GATA4: variants seen among roughly 807,000 people sequenced by gnomAD.
GATA4 encodes transcription factor GATA-4.
Under a neutral mutation model 37.9 loss-of-function variants are expected in GATA4, and 7 were observed. The ratio of observed to expected loss-of-function variants is 0.18; its 90% CI spans 0.11 to 0.35. The LOEUF is 0.35. GATA4 is among the 10% of genes least tolerant of loss of function. GATA4 has a pLI of 1.00. For synonymous variants in GATA4, 372 were observed against 292.6 expected, an observed-to-expected ratio of 1.27 and a Z score of -2.77; for missense variants, 647 against 653.0, an observed-to-expected ratio of 0.99 and a Z score of 0.10.
chr8:11,730,013 C>G (rs1280176823), intron 2 of GATA4, among the ~76,000 whole-genome samples: 4 of 152,062 alleles, frequency 2.6e-5, no homozygotes, highest in Non-Finnish European at 5.9e-5. Context: ...GCAGTCTTTA[C>G]CTCCAGGGTT....
intron 1 of GATA4, among the ~76,000 whole-genome samples, chr8:11,698,894 T>C (rs768496692): frequency 3.3e-5 from 5 of 152,128 alleles, no homozygotes; most frequent in Non-Finnish European, 5.9e-5. Flanking sequence ...CCAGGGAGAT[T>C]TGTGCCACCC....
At chr8:11,744,377 C>T (rs919525521) in intron 2 of GATA4, among the ~76,000 whole-genome samples, 6 of 152,214 alleles carry the variant, frequency 3.9e-5, no homozygotes, top group Admixed American at 3.9e-4. Flanking sequence ...GTCTTTCCTC[C>T]AAACGTGGGT....
rs1285217052 is a variant in GATA4, at chr8:11,759,104, C to G, written c.*629C>G. ...CAGCTGGCAACTTCTCCCCCAGGTG[C>G]CTTCCCCCTGCTGCCGGCCTTTGCT... On this transcript the variant is annotated 3_prime_UTR_variant, in exon 7 of 7. Transcript: ENST00000532059. 1 of 159,628 alleles carries G rather than the reference C, an allele frequency of 6.3e-6. No homozygotes were observed. The highest frequency in any genetic ancestry group is 1.4e-5 in the Non-Finnish European group (1 of 72,458). The allele number at this position is 159,628 out of a possible 1,614,324, so 9.9% of individuals were successfully genotyped here. A position where few individuals can be genotyped will look rare whatever the true frequency, so the allele number is the denominator to read the frequency against.
Position 11,759,823 on chromosome 8 carries a change from A to G in GATA4, c.*1348A>G, listed in dbSNP as rs776232638. Reference sequence around the variant, plus strand: ...CCCAGACCCCTCACTCCAAAATCCTACTGGCTGTAGCAGAGAATACCTTTG... The same window carrying G: ...CCCAGACCCCTCACTCCAAAATCCTGCTGGCTGTAGCAGAGAATACCTTTG... On this transcript the variant is annotated 3_prime_UTR_variant, in exon 7 of 7. Transcript: ENST00000532059. 10 of 152,476 alleles carry G rather than the reference A, an allele frequency of 6.6e-5. No individual in the cohort carries two copies. Among genetic ancestry groups the G allele is most frequent in the Non-Finnish European group, 1.5e-4 (10 of 68,014 alleles). 9.4% of individuals were successfully genotyped at this position (152,476 alleles called of 1,614,324 possible).
At chr8:11,754,750 G>C (rs1802468154) in intron 4 of GATA4, among the ~76,000 whole-genome samples, 1 of 152,140 alleles carries the variant, frequency 6.6e-6, no homozygotes, top group Non-Finnish European at 1.5e-5. Context: ...ACCAGAGTCT[G>C]GTTATTTCTC....
In GATA4 at chr8:11,750,008, C is replaced by G. The variant is rs534721036; in HGVS notation, c.787-103C>G. 8 of 1,545,674 alleles carry G rather than the reference C, an allele frequency of 5.2e-6. No homozygotes were observed. In the African/African-American group the frequency reaches 8.1e-5, roughly 16 times the overall value. ...TCATGCAGGGTCGTTAGGGCCCAGC[C>G]CTGCCTCCCGTTAGGGAGGCCCAGC... On this transcript the variant is annotated intron_variant, in intron 3 of 6. Transcript: ENST00000532059.
In GATA4 at chr8:11,758,879, C is replaced by G. The variant is rs1802743187; in HGVS notation, c.*404C>G. 2 of 327,146 alleles carry G rather than the reference C, an allele frequency of 6.1e-6. No homozygotes were observed. Among genetic ancestry groups the G allele is most frequent in the East Asian group, 7.8e-5 (1 of 12,750 alleles). 20.3% of individuals were successfully genotyped at this position (327,146 alleles called of 1,614,324 possible). On this transcript the variant is annotated 3_prime_UTR_variant, in exon 7 of 7. Transcript: ENST00000532059. ...CCTGCTCCAGCCCGAATGACGGCAT[C>G]TGTTTGCCATGTACCTGGATGCGAC...
intron 1 of GATA4, among the ~76,000 whole-genome samples, chr8:11,680,104 A>T (rs11780085): frequency 0.01 from 1,554 of 152,214 alleles, 7 homozygotes; most frequent in Non-Finnish European, 0.017. Flanking sequence ...CCCAAGAGAG[A>T]TTCCCACCCA....
At chr8:11,692,525 G>C, upstream of GATA4, 1 of 985,458 alleles carries the variant, frequency 1.0e-6, no homozygotes, top group Non-Finnish European at 1.2e-6. Flanking sequence ...GTGAAACTAT[G>C]CTCATGCGGA....
chr8:11,745,991 A>G (rs887023395), intron 2 of GATA4, among the ~76,000 whole-genome samples: 1 of 152,188 alleles, frequency 6.6e-6, no homozygotes, highest in Non-Finnish European at 1.5e-5. Flanking sequence ...ATAATAAAGA[A>G]AAATAGGGCT....
intron 1 of GATA4, chr8:11,680,550 G>C: frequency 2.0e-6 from 2 of 985,462 alleles, no homozygotes; most frequent in Non-Finnish European, 2.4e-6. Flanking sequence ...CGTCCTTCGT[G>C]GTCGCACGCT....
At position 11,758,433 on chromosome 8, in the gene GATA4, C is replaced by G. The variant is rs1062216; in HGVS notation, c.1290C>G (p.Ser430Arg). The G allele has an allele frequency of 6.2e-7, 1 of 1,614,222 alleles. No individual in the cohort carries two copies. The highest frequency in any genetic ancestry group is 1.1e-5 in the South Asian group (1 of 91,084). The change falls in exon 7 of 7, where the codon AGC becomes AGG. Residue 430 changes from serine to arginine, a missense_variant. Coordinates refer to ENST00000532059, the MANE Select transcript of GATA4 (RefSeq NM_001308093.3). Reference protein sequence around the residue: ...QTSSKQDSWNSLVLADSHGDI... With the variant: ...QTSSKQDSWNRLVLADSHGDI... The stretch of plus-strand genomic sequence containing the variant: ...GCTCCAAGCAGGACTCTTGGAACAG[C>G]CTGGTCTTGGCCGACAGTCACGGGG...
At chr8:11,754,179 A>C (rs1423487285) in intron 4 of GATA4, among the ~76,000 whole-genome samples, 1 of 152,178 alleles carries the variant, frequency 6.6e-6, no homozygotes, top group Non-Finnish European at 1.5e-5. Context: ...GTTGCTGTTG[A>C]GGCCAATTTT....
intron 2 of GATA4, among the ~76,000 whole-genome samples, chr8:11,725,456 A>G (rs979536149): frequency 1.3e-5 from 2 of 152,260 alleles, no homozygotes; most frequent in African/African-American, 4.8e-5. Context: ...CTCCGGGCAC[A>G]CGCTGGGAAG....
chr8:11,739,286 G>A (rs138118444), intron 2 of GATA4, among the ~76,000 whole-genome samples: 167 of 152,306 alleles, frequency 1.1e-3, no homozygotes, highest in African/African-American at 3.9e-3. Context: ...TTTCCGTATG[G>A]CTTTGGTGAA....
chr8:11,680,742 G>T (rs954305848), intron 1 of GATA4: 4 of 985,248 alleles, frequency 4.1e-6, no homozygotes, highest in African/African-American at 1.7e-5. Flanking sequence ...GCGGCGAGGA[G>T]AGCCCGGCTT....
intron 2 of GATA4, among the ~76,000 whole-genome samples, chr8:11,712,329 C>T (rs975070667): frequency 1.3e-5 from 2 of 152,106 alleles, no homozygotes; most frequent in African/African-American, 2.4e-5. Context: ...GTGCATTACC[C>T]ATCGTTGTGG....
upstream of GATA4, among the ~76,000 whole-genome samples, chr8:11,689,350 G>C (rs1194272086): frequency 6.6e-6 from 1 of 152,170 alleles, no homozygotes; most frequent in Admixed American, 6.5e-5. Context: ...CATAATTTAT[G>C]CAAAATTATA....
chr8:11,737,714 C>T (rs1309153660), intron 2 of GATA4, among the ~76,000 whole-genome samples: 1 of 152,132 alleles, frequency 6.6e-6, no homozygotes, highest in Non-Finnish European at 1.5e-5. Context: ...AAATGGGTTC[C>T]ATTTTCCCAT....
Sources: gnomAD v4.1 joint callset for allele counts (sites outside exome capture counted in the v4.1 genomes callset) on GRCh38, gnomAD v4.1.1 for gene constraint, MANE v1.5 for transcripts, NCBI Gene and HGNC (gene_info 2026-07-23, HGNC 2026-07-21) for gene names.